The following GXYLT1 variants were observed in gnomAD, a reference collection of about 807,000 sequenced individuals.
GXYLT1 encodes the protein glucoside xylosyltransferase 1, also known as glycosyltransferase 8 domain containing 3.
GXYLT1 carries 29 observed loss-of-function variants against 54.0 expected under a neutral mutation model. The observed-to-expected ratio is 0.54, with a 90% CI of 0.40 to 0.73. The LOEUF (loss-of-function observed/expected upper bound fraction) is 0.73, where lower values mean the gene tolerates loss of function less well. GXYLT1 is among the 30% of genes least tolerant of loss of function. The probability of loss-of-function intolerance (pLI) is 0.00; values close to 1 mark genes in which losing one functional copy is unlikely to be tolerated. For missense variants in GXYLT1, 490 were observed against 553.4 expected, an observed-to-expected ratio of 0.89 and a Z score of 1.15; for synonymous variants, 176 against 204.1, an observed-to-expected ratio of 0.86 and a Z score of 1.17.
chr12:42,122,962 A>G (rs951432414), intron 2 of GXYLT1, among the ~76,000 whole-genome samples: 3 of 152,096 alleles, frequency 2.0e-5, no homozygotes, highest in Non-Finnish European at 4.4e-5. Flanking sequence ...CCATGCAGTA[A>G]TCCTGCCAAA....
chr12:42,097,374 G>A lies in GXYLT1; in HGVS notation c.1161+68C>T, dbSNP rs1356004958. 4 of 1,249,660 alleles carry A rather than the reference G, an allele frequency of 3.2e-6. No homozygotes were observed. The African/African-American group carries it at 6.2e-5, about 19-fold the overall frequency. The allele number at this position is 1,249,660 out of a possible 1,614,324, so 77.4% of individuals were successfully genotyped here. ...TGTAAAAATTCTTTGTACTATTTTTGTAAACTAACCATTAGCTTGAAAGTA... is the reference window on the plus strand; with the variant it reads ...TGTAAAAATTCTTTGTACTATTTTTATAAACTAACCATTAGCTTGAAAGTA... On this transcript the variant is annotated intron_variant, in intron 7 of 7. Transcript: ENST00000398675.
At chr12:42,090,903 A>C (rs535870552) in intron 7 of GXYLT1, among the ~76,000 whole-genome samples, 2 of 152,360 alleles carry the variant, frequency 1.3e-5, no homozygotes, top group African/African-American at 4.8e-5. Context: ...TGTAATTTTT[A>C]AACATTTTTA....
At chr12:42,138,129 T>C (rs957105310) in intron 1 of GXYLT1, among the ~76,000 whole-genome samples, 4 of 151,944 alleles carry the variant, frequency 2.6e-5, no homozygotes, top group African/African-American at 9.7e-5. Context: ...CAGCAAGGTG[T>C]GGTGGCATGC....
At chr12:42,138,222 G>C (rs1210364579) in intron 1 of GXYLT1, among the ~76,000 whole-genome samples, 1 of 152,186 alleles carries the variant, frequency 6.6e-6, no homozygotes, top group Non-Finnish European at 1.5e-5. Flanking sequence ...AGCCGAGAGA[G>C]TGCCACTGCG....
chr12:42,092,359 T>A (rs2065333795), intron 7 of GXYLT1, among the ~76,000 whole-genome samples: 1 of 152,228 alleles, frequency 6.6e-6, no homozygotes, highest in African/African-American at 2.4e-5. Context: ...TGATCACATG[T>A]ATTAATACTT....
In GXYLT1 at chr12:42,139,877, C is replaced by A. The variant is rs566809382; in HGVS notation, c.221+4549G>T. Among the ~76,000 whole-genome samples, 17 of 152,120 alleles carry A rather than the reference C, an allele frequency of 1.1e-4. No homozygotes were observed. The South Asian group carries it at 3.5e-3, about 32-fold the overall frequency. The stretch of plus-strand genomic sequence containing the variant: ...ACTCAACTCTCTTCTTCAAACATAA[C>A]TGCAGAAAAAAGGGGGGAAAAGGGC... On this transcript the variant is annotated intron_variant, in intron 1 of 7. Transcript: ENST00000398675.
intron 2 of GXYLT1, among the ~76,000 whole-genome samples, chr12:42,121,728 G>T (rs1419796843): frequency 6.6e-6 from 1 of 151,692 alleles, no homozygotes; most frequent in Non-Finnish European, 1.5e-5. Context: ...GATTGTTTTG[G>T]TCACACTGCC....
chr12:42,116,534 C>T lies in GXYLT1; in HGVS notation c.486+2466G>A, dbSNP rs200071948. Among the ~76,000 whole-genome samples, 1,008 of 152,274 alleles carry T rather than the reference C, an allele frequency of 6.6e-3. 43 individuals are homozygous for T. The East Asian group carries it at 0.09, about 14-fold the overall frequency. The stretch of plus-strand genomic sequence containing the variant: ...CAAAAAACACATGAAAAAATGCTCA[C>T]CATCACTGGCCATCAGAGAAATGCA... On this transcript the variant is annotated intron_variant, in intron 3 of 7. Transcript: ENST00000398675.
chr12:42,114,957 A>G (rs1330275967), intron 3 of GXYLT1, among the ~76,000 whole-genome samples: 3 of 152,112 alleles, frequency 2.0e-5, no homozygotes, highest in Non-Finnish European at 2.9e-5. Context: ...TCATCCCTGG[A>G]ATGCAAGGCT....
rs751422538 is a variant in GXYLT1 at position 42,144,543 on chromosome 12, C to T, written c.104G>A (p.Gly35Asp). The T allele has an allele frequency of 1.7e-5, 25 of 1,444,846 alleles. No individual in the cohort carries two copies. Among genetic ancestry groups the T allele is most frequent in the African/African-American group, 5.9e-5 (4 of 68,080 alleles). The allele number at this position is 1,444,846 out of a possible 1,614,324, so 89.5% of individuals were successfully genotyped here. A position where few individuals can be genotyped will look rare whatever the true frequency, so the allele number is the denominator to read the frequency against. The change falls in exon 1 of 8, where the codon GGC becomes GAC. Residue 35 changes from glycine (G) to aspartate (D), a missense_variant. Around this residue, in one of 2 missense-constraint regions of GXYLT1, gnomAD observed 148 missense variants for 210.7 expected, o/e 0.70. Coordinates refer to ENST00000398675, the MANE Select transcript of GXYLT1 (RefSeq NM_173601.2). ...QLAVSLEEGT[G>D]GGGGKPQAAV... ...GGCCTGCGGCTTCCCGCCACCGCCG[C>T]CCGTTCCTTCTTCCAGGGACACGGC...
Position 42,084,114 on chromosome 12 carries a change from G to A in GXYLT1, c.*3672C>T. The A allele has an allele frequency of 6.6e-6, 1 of 151,392 alleles. No homozygotes were observed. Among genetic ancestry groups the A allele is most frequent in the East Asian group, 1.9e-4 (1 of 5,146 alleles). The allele number at this position is 151,392 out of a possible 1,614,324, so 9.4% of individuals were successfully genotyped here. ...TTCCATGGAAGTCAGCACCTTTCCTGACCCCAGAGAGCCCAGGCAAGCAAA... is the reference window on the plus strand; with the variant it reads ...TTCCATGGAAGTCAGCACCTTTCCTAACCCCAGAGAGCCCAGGCAAGCAAA... On this transcript the variant is annotated 3_prime_UTR_variant, in exon 8 of 8. Coordinates refer to ENST00000398675, the MANE Select transcript of GXYLT1 (RefSeq NM_173601.2).
chr12:42,123,557 A>G (rs996944329), intron 2 of GXYLT1, among the ~76,000 whole-genome samples: 4 of 152,040 alleles, frequency 2.6e-5, no homozygotes, highest in South Asian at 2.1e-4. Flanking sequence ...TACTGTTAAT[A>G]AACTTCTAAG....
intron 1 of GXYLT1, 43 bp from the exon 2 acceptor site, chr12:42,129,894 T>C: frequency 7.4e-7 from 1 of 1,346,264 alleles, no homozygotes; most frequent in Non-Finnish European, 1.1e-6. Context: ...GTGAGTATTT[T>C]GGTTTGGAAC....
chr12:42,111,644 G>A (rs12302688), intron 3 of GXYLT1, among the ~76,000 whole-genome samples: 4,483 of 152,316 alleles, frequency 0.029, 125 homozygotes, highest in African/African-American at 0.066. Context: ...CAGGAAGCTC[G>A]AACTGGGTGG....
At chr12:42,115,227 G>C (rs2065486245) in intron 3 of GXYLT1, among the ~76,000 whole-genome samples, 1 of 152,168 alleles carries the variant, frequency 6.6e-6, no homozygotes, top group African/African-American at 2.4e-5. Context: ...GCACAAGACA[G>C]GGATGCCCTC....
chr12:42,114,286 G>C (rs903379308), intron 3 of GXYLT1, among the ~76,000 whole-genome samples: 1 of 152,068 alleles, frequency 6.6e-6, no homozygotes, highest in African/African-American at 2.4e-5. Flanking sequence ...GATCAGAACA[G>C]AACTGAAGGA....
chr12:42,097,364 T>C, intron 7 of GXYLT1, 78 bp downstream of exon 7: 2 of 1,129,592 alleles, frequency 1.8e-6, no homozygotes. Context: ...AAATTCTTTG[T>C]ACTATTTTTG....
intron 2 of GXYLT1, among the ~76,000 whole-genome samples, chr12:42,123,301 T>C (rs922491925): frequency 1.3e-5 from 2 of 152,206 alleles, no homozygotes; most frequent in African/African-American, 4.8e-5. Flanking sequence ...TCCCTGTTCT[T>C]AGGAGATACA....
rs1342091351 is a variant in GXYLT1, at chr12:42,114,560, T to C, written c.486+4440A>G. Among the ~76,000 whole-genome samples, 14 of 151,764 alleles carry C rather than the reference T, an allele frequency of 9.2e-5. No homozygotes were observed. The South Asian group carries it at 2.7e-3, about 29-fold the overall frequency. On this transcript the variant is annotated intron_variant, in intron 3 of 7. Transcript: ENST00000398675. ...ATGGATAAATTCCTCGACACATACA[T>C]CCTCCCAAGACTAAACCAGGAAGAA...
Sources: gnomAD v4.1 joint callset for allele counts (sites outside exome capture counted in the v4.1 genomes callset) on GRCh38, gnomAD v4.1.1 for gene constraint, gnomAD v4.1.1 regional missense constraint, MANE v1.5 for transcripts, NCBI Gene and HGNC (gene_info 2026-07-23, HGNC 2026-07-21) for gene names.